LINGO1: variants seen among roughly 807,000 people sequenced by gnomAD.
LINGO1 encodes the protein leucine-rich repeat and immunoglobulin-like domain-containing nogo receptor-interacting protein 1.
LINGO1 carries 11 observed loss-of-function variants against 37.3 expected under a neutral mutation model. The ratio of observed to expected loss-of-function variants is 0.29; its 90% CI spans 0.19 to 0.49. The LOEUF is 0.49. LINGO1 is among the 20% of genes least tolerant of loss of function. The pLI is 0.99. For missense variants in LINGO1, 585 were observed against 878.2 expected (o/e 0.67, Z 4.22); for synonymous variants, 387 against 403.0 (o/e 0.96, Z 0.48).
chr15:77,629,180 T>C (rs1237352470), intron 1 of LINGO1, among the ~76,000 whole-genome samples: 1 of 152,176 alleles, frequency 6.6e-6, no homozygotes, highest in African/African-American at 2.4e-5. Context: ...GGGTCCACAT[T>C]CTTAACAACT....
chr15:77,623,188 G>A (rs1161759052), intron 1 of LINGO1, among the ~76,000 whole-genome samples: 1 of 152,224 alleles, frequency 6.6e-6, no homozygotes, highest in Non-Finnish European at 1.5e-5. Context: ...AGGGGGAGGT[G>A]CTGTGTGAGC....
chr15:77,680,649 G>C (rs543363534), intron 2 of LINGO1, among the ~76,000 whole-genome samples: 2 of 152,194 alleles, frequency 1.3e-5, no homozygotes, highest in Non-Finnish European at 2.9e-5. Flanking sequence ...GCATCTCCAT[G>C]AGAGTTGGGG....
chr15:77,758,150 G>C (rs925178453), intron 1 of LINGO1, among the ~76,000 whole-genome samples: 1 of 152,182 alleles, frequency 6.6e-6, no homozygotes, highest in African/African-American at 2.4e-5. Context: ...TTGAAAATGT[G>C]CAAGCCTGCA....
At chr15:77,685,146 C>A (rs1436408223) in intron 2 of LINGO1, among the ~76,000 whole-genome samples, 1 of 108,894 alleles carries the variant, frequency 9.2e-6, no homozygotes, top group African/African-American at 3.6e-5. Context: ...AGGTGGGAAG[C>A]TGCAGGGGAT....
intron 1 of LINGO1, among the ~76,000 whole-genome samples, chr15:77,819,844 C>G (rs916302836): frequency 1.3e-5 from 2 of 151,524 alleles, no homozygotes; most frequent in Non-Finnish European, 2.9e-5. Flanking sequence ...CTCGCACTCC[C>G]GCGGGAAGCG....
chr15:77,733,868 G>A lies in LINGO1; in HGVS notation c.-195+1124C>T, dbSNP rs373675115. Among the ~76,000 whole-genome samples the A allele has an allele frequency of 2.6e-5, 4 of 152,280 alleles. 1 individual carries two copies. On this transcript the variant is annotated intron_variant, in intron 2 of 3. Coordinates refer to the LINGO1 transcript ENST00000561686. ...GAGCTGCCGAGGGCTGCACTTCTCC[G>A]ATCCCCAGAGTCCTTCAAACTCCTT...
upstream of LINGO1, chr15:77,787,136 A>G (rs1225303689): frequency 6.6e-6 from 1 of 152,222 alleles, no homozygotes; most frequent in Non-Finnish European, 1.5e-5. Flanking sequence ...CACACCCAAC[A>G]AACAGCAACA....
At chr15:77,786,853 T>C (rs2076776276) in intron 1 of LINGO1, 1 of 152,230 alleles carries the variant, frequency 6.6e-6, no homozygotes. Context: ...CCTCTCTGCA[T>C]AAAGGGTCAC....
intron 2 of LINGO1, among the ~76,000 whole-genome samples, chr15:77,701,611 C>T (rs1370079454): frequency 6.6e-6 from 1 of 152,164 alleles, no homozygotes; most frequent in Admixed American, 6.5e-5. Flanking sequence ...TTATGAATGG[C>T]TTGGTGCCCT....
upstream of LINGO1, among the ~76,000 whole-genome samples, chr15:77,635,297 A>C (rs2074375237): frequency 6.6e-6 from 1 of 151,820 alleles, no homozygotes; most frequent in African/African-American, 2.4e-5. Context: ...AACGACGGGG[A>C]GCTTTGGGGG....
upstream of LINGO1, chr15:77,787,246 C>A (rs528750876): frequency 1.3e-5 from 2 of 152,316 alleles, no homozygotes; most frequent in African/African-American, 4.8e-5. Context: ...CCAGAGCGCA[C>A]GGTCGGGCCT....
chr15:77,633,367 GACGGACAGGGCTCCCTAC>G (rs2074326940), upstream of LINGO1, among the ~76,000 whole-genome samples: 1 of 151,784 alleles, frequency 6.6e-6, no homozygotes, highest in African/African-American at 2.4e-5. Flanking sequence ...CACGCACGAG[GACGGACAGGGCTCCCTAC>G]ACGAACAGGG....
chr15:77,800,072 A>C (rs2076905204), intron 1 of LINGO1, among the ~76,000 whole-genome samples: 1 of 152,176 alleles, frequency 6.6e-6, no homozygotes, highest in Non-Finnish European at 1.5e-5. Context: ...AGGGAGGAAG[A>C]AGCTGTCTTG....
chr15:77,674,898 G>A (rs554435040), intron 3 of LINGO1, among the ~76,000 whole-genome samples: 2 of 151,756 alleles, frequency 1.3e-5, no homozygotes, highest in East Asian at 1.9e-4. Flanking sequence ...TTCACTGTTC[G>A]GTCCCTAACC....
chr15:77,646,705 C>G (rs929907002), intron 3 of LINGO1, among the ~76,000 whole-genome samples: 1 of 152,224 alleles, frequency 6.6e-6, no homozygotes, highest in African/African-American at 2.4e-5. Context: ...TTCTCTGTCC[C>G]CAGGAGCACC....
At chr15:77,748,610 C>A (rs2076338278) in intron 1 of LINGO1, among the ~76,000 whole-genome samples, 2 of 152,200 alleles carry the variant, frequency 1.3e-5, no homozygotes, top group South Asian at 2.1e-4. Flanking sequence ...GGAAGGCGGG[C>A]CCCTGCCTTT....
chr15:77,692,270 G>A (rs1054630105), intron 1 of LINGO1, among the ~76,000 whole-genome samples: 10 of 152,238 alleles, frequency 6.6e-5, no homozygotes, highest in Non-Finnish European at 1.3e-4. Flanking sequence ...TGGTTTGGAT[G>A]AGGAAACTGA....
chr15:77,702,916 C>T (rs1490969914), intron 2 of LINGO1, among the ~76,000 whole-genome samples: 1 of 152,248 alleles, frequency 6.6e-6, no homozygotes, highest in Admixed American at 6.5e-5. Context: ...CTCCCAGCAG[C>T]TCCTGGAGGG....
At chr15:77,738,747 T>TGAAG (rs1166793124) in intron 1 of LINGO1, among the ~76,000 whole-genome samples, 7,736 of 109,936 alleles carry the variant, frequency 0.07, 293 homozygotes, top group East Asian at 0.078. Context: ...ACATATTTGC[T>TGAAG]GAAGGAAGGA....
Sources: gnomAD v4.1 joint callset for allele counts (sites outside exome capture counted in the v4.1 genomes callset) on GRCh38, gnomAD v4.1.1 for gene constraint, MANE v1.5 for transcripts, NCBI Gene and HGNC (gene_info 2026-07-23, HGNC 2026-07-21) for gene names.